Variants in CACNA2D2 observed in about 807,000 individuals in gnomAD.
CACNA2D2 encodes voltage-dependent calcium channel subunit alpha-2/delta-2.
Under a neutral mutation model 166.4 loss-of-function variants are expected in CACNA2D2, and 48 were observed. The ratio of observed to expected loss-of-function variants is 0.29; its 90% CI spans 0.23 to 0.37. The LOEUF (loss-of-function observed/expected upper bound fraction) is 0.37, where lower values mean the gene tolerates loss of function less well. Ranked by LOEUF, CACNA2D2 falls within the 10% of genes least tolerant of loss-of-function variation. The pLI is 1.00. For missense variants in CACNA2D2, 1,122 were observed against 1,433.0 expected (o/e 0.78, Z 3.50); for synonymous variants, 561 against 573.7 (o/e 0.98, Z 0.32).
chr3:50,456,547 C>T (rs931265042), intron 2 of CACNA2D2, among the ~76,000 whole-genome samples: 1 of 152,152 alleles, frequency 6.6e-6, no homozygotes, highest in Admixed American at 6.5e-5. Flanking sequence ...CTCAATTTTC[C>T]GAGAGATTGG....
chr3:50,369,870 G>A (rs587756300), intron 23 of CACNA2D2, among the ~76,000 whole-genome samples: 1 of 152,340 alleles, frequency 6.6e-6, no homozygotes, highest in East Asian at 1.9e-4. Context: ...ACTGCCGACA[G>A]GGGCTCTGGC....
intron 2 of CACNA2D2, among the ~76,000 whole-genome samples, chr3:50,472,260 G>C: frequency 6.6e-6 from 1 of 152,372 alleles, no homozygotes; most frequent in Admixed American, 6.5e-5. Flanking sequence ...GCTGGGCTAA[G>C]GCCATCATGG....
intron 15 of CACNA2D2, 76 bp from the exon 16 acceptor site, chr3:50,377,879 A>C (rs1377861630): frequency 6.7e-7 from 1 of 1,493,504 alleles, no homozygotes. Flanking sequence ...GCAGGGACTG[A>C]GGTGCAGGCC....
chr3:50,380,375 G>A lies in CACNA2D2; in HGVS notation c.843-357C>T, dbSNP rs1705238047. Among the ~76,000 whole-genome samples, 2 of 152,212 alleles carry A rather than the reference G, an allele frequency of 1.3e-5. No individual in the cohort carries two copies. The highest frequency in any genetic ancestry group is 2.1e-4 in the South Asian group (1 of 4,832). ...TGGGATGGTGCAGGTGGCAGGGAAG[G>A]AGAGTCACAGGGAGCTGCCGGAGGG... On this transcript the variant is annotated intron_variant, in intron 8 of 37. Coordinates refer to ENST00000424201, the MANE Select transcript of CACNA2D2 (RefSeq NM_006030.4). The surrounding 1 kb of genome is among the most constrained non-coding windows in gnomAD (Gnocchi z 4.9).
chr3:50,503,731 GGCCCGCCCCC>G (rs1331208706), upstream of CACNA2D2: 2 of 152,280 alleles, frequency 1.3e-5, no homozygotes, highest in Non-Finnish European at 2.9e-5. Context: ...TTCCCGGGCT[GGCCCGCCCCC>G]GCGCGCCCCC....
chr3:50,461,419 T>G (rs1468015538), intron 2 of CACNA2D2, among the ~76,000 whole-genome samples: 1 of 152,156 alleles, frequency 6.6e-6, no homozygotes, highest in Non-Finnish European at 1.5e-5. Context: ...CTGGCTCCCC[T>G]GTACCTGTCC....
Position 50,479,217 on chromosome 3 carries a change from T to C in CACNA2D2, c.207-3018A>G, listed in dbSNP as rs139118812. 2.0e-3 allele frequency among the ~76,000 whole-genome samples: 301 copies of C among 152,242 alleles called. 3 individuals carry two copies. Among genetic ancestry groups the C allele is most frequent in the African/African-American group, 6.9e-3 (285 of 41,538 alleles). Reference sequence around the variant, plus strand: ...ACGCACAGTCTCCTTACTCCCACCCTGAGGCTGAGTAGCTCTAGACTCTGC... The same window carrying C: ...ACGCACAGTCTCCTTACTCCCACCCCGAGGCTGAGTAGCTCTAGACTCTGC... On this transcript the variant is annotated intron_variant, in intron 1 of 37. Transcript: ENST00000424201.
chr3:50,487,927 G>A (rs1698358774), intron 1 of CACNA2D2, among the ~76,000 whole-genome samples: 1 of 152,166 alleles, frequency 6.6e-6, no homozygotes, highest in Non-Finnish European at 1.5e-5. Context: ...AGCAAGCAGG[G>A]CAGATGCAGG....
chr3:50,385,669 G>A (rs750083814), intron 5 of CACNA2D2, among the ~76,000 whole-genome samples: 10 of 152,148 alleles, frequency 6.6e-5, no homozygotes, highest in Non-Finnish European at 1.3e-4. Context: ...CTGCCCTTCC[G>A]CAGTGTGCCA....
Position 50,367,506 on chromosome 3 carries a change from C to G in CACNA2D2, c.2298-9G>C. ...TCCAGTCCTCAGCTGCCCTGGAGCA[C>G]CCAAGAGGCAGACTGGTAGGTAAGG... On this transcript the variant is annotated splice_polypyrimidine_tract_variant and intron_variant, in intron 26 of 37. Transcript: ENST00000424201. The surrounding 1 kb of genome is among the most constrained non-coding windows in gnomAD (Gnocchi z 6.5). 6.2e-7 allele frequency: 1 copy of G among 1,613,564 alleles called. No homozygotes were observed. The highest frequency in any genetic ancestry group is 8.5e-7 in the Non-Finnish European group (1 of 1,179,672).
chr3:50,465,013 C>T (rs1709767970), intron 2 of CACNA2D2, among the ~76,000 whole-genome samples: 1 of 152,214 alleles, frequency 6.6e-6, no homozygotes, highest in Non-Finnish European at 1.5e-5. Context: ...TTCCAAAGCA[C>T]CTGTTCTGAA....
Position 50,365,162 on chromosome 3 carries a change from T to C in CACNA2D2, c.3121A>G (p.Thr1041Ala), listed in dbSNP as rs768819670. Residue 1041 changes from threonine to alanine, a missense_variant, in exon 36 of 38, where the codon ACC becomes GCC. By Grantham distance (58) the Thr-to-Ala change is moderately conservative. Transcript: ENST00000424201. The surrounding 1 kb of genome is among the most constrained non-coding windows in gnomAD (Gnocchi z 4.5). ...ACCACAAAGAGAAGATTGGTGTTGG[T>C]CAGTCTCTGCGCGTGGAACAGCCTG... The part of the protein sequence containing the change: ...CSRLFHAQRL[T>A]NTNLLFVVAE... The C allele has an allele frequency of 1.2e-6, 2 of 1,611,986 alleles. No individual in the cohort carries two copies. Among genetic ancestry groups the C allele is most frequent in the African/African-American group, 2.7e-5 (2 of 74,844 alleles).
chr3:50,498,750 CAGCTCTCATATCCTAGGCCT>C (rs1345988891), intron 1 of CACNA2D2, among the ~76,000 whole-genome samples: 1 of 152,188 alleles, frequency 6.6e-6, no homozygotes, highest in African/African-American at 2.4e-5. Context: ...GTCCCAGGCC[CAGCTCTCATATCCTAGGCCT>C]CTTCATTTTC....
At chr3:50,440,530 C>T (rs545491753) in intron 2 of CACNA2D2, among the ~76,000 whole-genome samples, 9 of 152,354 alleles carry the variant, frequency 5.9e-5, no homozygotes, top group African/African-American at 1.9e-4. Context: ...CCTTCATATC[C>T]AGTACAGAAT....
intron 2 of CACNA2D2, among the ~76,000 whole-genome samples, chr3:50,471,043 A>G (rs934807560): frequency 6.6e-6 from 1 of 152,106 alleles, no homozygotes; most frequent in Non-Finnish European, 1.5e-5. Context: ...ATCCAGCGGC[A>G]TATTTCACAC....
intron 2 of CACNA2D2, among the ~76,000 whole-genome samples, chr3:50,474,321 G>A (rs978217399): frequency 3.3e-5 from 5 of 152,166 alleles, no homozygotes; most frequent in African/African-American, 1.2e-4. Flanking sequence ...CAAAAAAGGG[G>A]CGTATCTGTA....
intron 23 of CACNA2D2, among the ~76,000 whole-genome samples, chr3:50,369,109 C>T (rs910730165): frequency 6.6e-6 from 1 of 152,206 alleles, no homozygotes; most frequent in African/African-American, 2.4e-5. Context: ...CCTTGGCCCC[C>T]AGGGCCTTTG....
At chr3:50,484,406 C>G (rs780823849) in intron 1 of CACNA2D2, among the ~76,000 whole-genome samples, 4 of 152,194 alleles carry the variant, frequency 2.6e-5, no homozygotes, top group Admixed American at 6.5e-5. Context: ...TCATGTCCCT[C>G]CTCTGTCAAC....
intron 2 of CACNA2D2, among the ~76,000 whole-genome samples, chr3:50,448,081 AG>A (rs557659800): frequency 8.0e-4 from 122 of 152,064 alleles, no homozygotes; most frequent in African/African-American, 2.9e-3. Flanking sequence ...CCCCTACCCT[AG>A]GGCCCTTAGG....
Sources: gnomAD v4.1 joint callset for allele counts (sites outside exome capture counted in the v4.1 genomes callset) on GRCh38, gnomAD v4.1.1 for gene constraint, Gnocchi (gnomAD v3.1) non-coding constraint, MANE v1.5 for transcripts, NCBI Gene and HGNC (gene_info 2026-07-23, HGNC 2026-07-21) for gene names.